Variants in AHI1 observed in about 807,000 individuals in gnomAD.
The protein encoded by AHI1 is Abelson helper integration site 1.
In AHI1, 123 loss-of-function variants were observed where a neutral mutation model predicts 149.3. The observed-to-expected ratio is 0.82, with a 90% confidence interval of 0.71 to 0.96. The LOEUF (loss-of-function observed/expected upper bound fraction) is 0.96. AHI1 is among the 40% of genes least tolerant of loss of function. The probability of loss-of-function intolerance (pLI) is 0.00; values close to 1 mark genes in which losing one functional copy is unlikely to be tolerated. For missense variants in AHI1, 1,439 were observed against 1,422.7 expected (o/e 1.01, Z -0.18); for synonymous variants, 475 against 459.8 (o/e 1.03, Z -0.42).
intron 24 of AHI1, among the ~76,000 whole-genome samples, chr6:135,324,734 T>TA (rs1787392884): frequency 6.6e-6 from 1 of 151,998 alleles, no homozygotes; most frequent in African/African-American, 2.4e-5. Flanking sequence ...TGCATGTTGA[T>TA]AAAGTTCAGA....
chr6:135,431,384 G>T, intron 16 of AHI1, 70 bp from the exon 17 acceptor site: 1 of 941,998 alleles, frequency 1.1e-6, no homozygotes, highest in South Asian at 2.0e-5. Flanking sequence ...TAGGAAATCG[G>T]GGGAAACTAT....
intron 21 of AHI1, among the ~76,000 whole-genome samples, chr6:135,407,661 AT>A (rs1265678333): frequency 6.6e-6 from 1 of 152,150 alleles, no homozygotes; most frequent in African/African-American, 2.4e-5. Context: ...TTCAAAGTAA[AT>A]TTTTTTATAA....
intron 15 of AHI1, among the ~76,000 whole-genome samples, chr6:135,434,520 A>C (rs187030942): frequency 1.4e-4 from 22 of 152,082 alleles, no homozygotes; most frequent in African/African-American, 4.8e-4. Context: ...TTAAAATACT[A>C]TATAACAGGC....
intron 23 of AHI1, among the ~76,000 whole-genome samples, chr6:135,388,733 C>G (rs900986907): frequency 2.0e-5 from 3 of 152,126 alleles, no homozygotes; most frequent in African/African-American, 7.2e-5. Context: ...GTTCTTCGAC[C>G]AGATGCAGTG....
chr6:135,490,129 T>C, intron 5 of AHI1: 1 of 714,662 alleles, frequency 1.4e-6, no homozygotes, highest in Non-Finnish European at 2.6e-6. Context: ...GTATTTTTAA[T>C]TCCTTCAAGT....
chr6:135,364,710 C>T (rs1282401099), intron 23 of AHI1, among the ~76,000 whole-genome samples: 2 of 152,042 alleles, frequency 1.3e-5, no homozygotes, highest in African/African-American at 4.8e-5. Context: ...GCCAACACAG[C>T]GAATCCCCGT....
rs1219521189 is a variant in AHI1, at chr6:135,340,652, TAC to T, written c.3166-17330_3166-17329del. 8.0e-3 allele frequency among the ~76,000 whole-genome samples: 423 copies of T among 53,158 alleles called. 13 individuals carry two copies. The East Asian group carries it at 0.089, about 11-fold the overall frequency. The allele number at this position is 53,158 out of a possible 152,430, so 34.9% of individuals were successfully genotyped here. A position where few individuals can be genotyped will look rare whatever the true frequency, so the allele number is the denominator to read the frequency against. ...ATAAAAACCAGTACATATATATACATACATACATATATATATATATATATATA... is the reference window on the plus strand; with the variant it reads ...ATAAAAACCAGTACATATATATACATATACATATATATATATATATATATA... On this transcript the variant is annotated intron_variant, in intron 24 of 28. Transcript: ENST00000265602.
intron 15 of AHI1, among the ~76,000 whole-genome samples, chr6:135,434,237 G>A (rs890006066): frequency 4.0e-5 from 6 of 151,850 alleles, no homozygotes; most frequent in African/African-American, 1.4e-4. Context: ...TATTCTATGA[G>A]TTTCCTCAGC....
At chr6:135,441,347 G>C (rs988948031) in intron 14 of AHI1, among the ~76,000 whole-genome samples, 28 of 150,466 alleles carry the variant, frequency 1.9e-4, no homozygotes, top group African/African-American at 6.0e-4. Flanking sequence ...ACACCACCAA[G>C]AGTACCAACA....
At chr6:135,423,671 G>T (rs1204410884) in intron 20 of AHI1, among the ~76,000 whole-genome samples, 3 of 152,102 alleles carry the variant, frequency 2.0e-5, no homozygotes, top group Non-Finnish European at 4.4e-5. Flanking sequence ...TCTGATTCCT[G>T]TGTTTCATAA....
chr6:135,489,985 A>G lies in AHI1; in HGVS notation c.135+638T>C, dbSNP rs1795026407. 7 of 462,358 alleles carry G rather than the reference A, an allele frequency of 1.5e-5. No homozygotes were observed. The East Asian group carries it at 2.3e-4, about 15-fold the overall frequency. 28.6% of individuals were successfully genotyped at this position (462,358 alleles called of 1,614,324 possible). ...GAAGAGATAATGGTCAAAGTAGTAA[A>G]AAGTGCAACTCAAGTAGGGAGATAG... On this transcript the variant is annotated intron_variant, in intron 5 of 28. Coordinates refer to ENST00000265602, the MANE Select transcript of AHI1 (RefSeq NM_001134831.2).
intron 13 of AHI1, among the ~76,000 whole-genome samples, chr6:135,444,799 C>G (rs1044142223): frequency 3.3e-5 from 5 of 152,190 alleles, no homozygotes; most frequent in Middle Eastern, 3.2e-3. Context: ...TATTTAGCCT[C>G]TAGAAAATGC....
intron 24 of AHI1, among the ~76,000 whole-genome samples, chr6:135,354,674 C>A (rs1341308038): frequency 6.6e-6 from 1 of 152,144 alleles, no homozygotes; most frequent in Non-Finnish European, 1.5e-5. Context: ...TTATCCTTAA[C>A]TTACTATAGG....
At chr6:135,291,378 A>C (rs1426432421) in intron 27 of AHI1, among the ~76,000 whole-genome samples, 1 of 152,212 alleles carries the variant, frequency 6.6e-6, no homozygotes, top group Non-Finnish European at 1.5e-5. Context: ...GAGATAACTA[A>C]GGTTAAATGG....
At position 135,402,401 on chromosome 6, in the gene AHI1, A is replaced by G. The variant is rs566877319; in HGVS notation, c.2988+2550T>C. ...TGTAGGAGTATTATCTTAATAGCTA[A>G]AAAGTAGAAACAACCCAAATGTTCA... On this transcript the variant is annotated intron_variant, in intron 22 of 28. Transcript: ENST00000265602. Among the ~76,000 whole-genome samples the G allele has an allele frequency of 6.6e-4, 100 of 152,358 alleles. 1 individual carries two copies. The highest frequency in any genetic ancestry group is 2.3e-3 in the African/African-American group (94 of 41,594).
At chr6:135,382,769 T>A (rs530495204) in intron 23 of AHI1, among the ~76,000 whole-genome samples, 62 of 151,484 alleles carry the variant, frequency 4.1e-4, no homozygotes, top group African/African-American at 1.5e-3. Context: ...CATAAGGATT[T>A]ACAAAGGAAA....
At chr6:135,300,986 T>C (rs1236450032) in intron 26 of AHI1, 1 of 984,096 alleles carries the variant, frequency 1.0e-6, no homozygotes, top group African/African-American at 1.7e-5. Context: ...TATGCAAGAG[T>C]TTGAATTTGA....
Position 135,447,030 on chromosome 6 carries a change from T to C in AHI1, c.1757A>G (p.Lys586Arg). The C allele has an allele frequency of 6.3e-7, 1 of 1,579,082 alleles. No homozygotes were observed. Among genetic ancestry groups the C allele is most frequent in the Non-Finnish European group, 8.6e-7 (1 of 1,157,738 alleles). ...PGLEESKEVI[K>R]WKRLPGQACR... ...CACCTGCCCAGGGAGTCGTTTCCAC[T>C]TTATTACTTCCTTTGACTCTTCTAA... The change falls in exon 13 of 29, where the codon AAG becomes AGG. Residue 586 changes from lysine (K) to arginine (R), a missense_variant. Physicochemically the swap from Lys to Arg is conservative, Grantham distance 26. Transcript: ENST00000265602.
chr6:135,334,889 C>G (rs1039095464), intron 24 of AHI1, among the ~76,000 whole-genome samples: 9 of 152,182 alleles, frequency 5.9e-5, no homozygotes, highest in African/African-American at 2.2e-4. Flanking sequence ...GGGCCCTATT[C>G]CAAATCAAGT....
Sources: gnomAD v4.1 joint callset for allele counts (sites outside exome capture counted in the v4.1 genomes callset) on GRCh38, gnomAD v4.1.1 for gene constraint, MANE v1.5 for transcripts, NCBI Gene and HGNC (gene_info 2026-07-23, HGNC 2026-07-21) for gene names.